The following SH3GL3 variants were observed in gnomAD, a reference collection of about 807,000 sequenced individuals.
The protein encoded by SH3GL3 is SH3 domain containing GRB2 like 3, endophilin A3, also known as endophilin-A3.
Under a neutral mutation model 47.7 loss-of-function variants are expected in SH3GL3, and 33 were observed. The observed-to-expected ratio is 0.69, with a 90% CI of 0.52 to 0.92. The LOEUF (loss-of-function observed/expected upper bound fraction) is 0.92, where lower values mean the gene tolerates loss of function less well. Ranked by LOEUF, SH3GL3 falls within the 40% of genes least tolerant of loss-of-function variation. The probability of loss-of-function intolerance (pLI) is 0.00; values close to 1 mark genes in which losing one functional copy is unlikely to be tolerated. For missense variants in SH3GL3, 363 were observed against 417.8 expected, an observed-to-expected ratio of 0.87 and a Z score of 1.14; for synonymous variants, 155 against 148.8, an observed-to-expected ratio of 1.04 and a Z score of -0.30.
At chr15:83,597,886 G>A (rs1001453791) in intron 8 of SH3GL3, among the ~76,000 whole-genome samples, 1 of 152,190 alleles carries the variant, frequency 6.6e-6, no homozygotes, top group Non-Finnish European at 1.5e-5. Flanking sequence ...GGGATTATAG[G>A]CGTGAGCCAC....
intron 1 of SH3GL3, among the ~76,000 whole-genome samples, chr15:83,468,306 AT>A (rs2040670175): frequency 6.6e-6 from 1 of 152,188 alleles, no homozygotes; most frequent in African/African-American, 2.4e-5. Flanking sequence ...CAATTATGTC[AT>A]CTGTGAATAG....
chr15:83,600,143 G>T (rs1447067255), intron 8 of SH3GL3, among the ~76,000 whole-genome samples: 1 of 152,154 alleles, frequency 6.6e-6, no homozygotes, highest in African/African-American at 2.4e-5. Flanking sequence ...TCTGTGGGTT[G>T]TCTGTACACT....
At chr15:83,567,014 GA>G (rs1022956210) in intron 3 of SH3GL3, among the ~76,000 whole-genome samples, 3 of 151,818 alleles carry the variant, frequency 2.0e-5, no homozygotes, top group Admixed American at 6.6e-5. Flanking sequence ...ATTAAAGTAG[GA>G]AAAAAAGTGT....
chr15:83,574,568 A>T (rs2059625127), intron 5 of SH3GL3, among the ~76,000 whole-genome samples: 1 of 150,026 alleles, frequency 6.7e-6, no homozygotes, highest in Non-Finnish European at 1.5e-5. Context: ...GTCACATCTC[A>T]CTCCCTCCTG....
intron 1 of SH3GL3, among the ~76,000 whole-genome samples, chr15:83,552,698 CA>C (rs2044724330): frequency 6.6e-6 from 1 of 152,198 alleles, no homozygotes; most frequent in African/African-American, 2.4e-5. Context: ...GGTATATGTG[CA>C]TAATAGTTGA....
In SH3GL3 at chr15:83,576,686, TTG is replaced by T; in HGVS notation, c.570_571del (p.Phe190LeufsTer8). On this transcript the variant is annotated frameshift_variant, in exon 6 of 9. Transcript: ENST00000427482. LOFTEE classifies it high-confidence loss of function. The stretch of plus-strand genomic sequence containing the variant: ...GAAGTCAGACAAGCGGTAGAAAAAT[TTG>T]AAGAGTCAAAGGAGTTGGCTGAAAG... The T allele has an allele frequency of 1.2e-6, 2 of 1,613,830 alleles. No individual in the cohort carries two copies. The highest frequency in any genetic ancestry group is 1.7e-6 in the Non-Finnish European group (2 of 1,179,808).
At chr15:83,504,695 A>C (rs1259106022) in intron 1 of SH3GL3, among the ~76,000 whole-genome samples, 1 of 152,140 alleles carries the variant, frequency 6.6e-6, no homozygotes, top group Non-Finnish European at 1.5e-5. Context: ...CTTTCAGATG[A>C]CTGCAGCCCT....
At chr15:83,467,196 C>G (rs2040608235) in intron 1 of SH3GL3, among the ~76,000 whole-genome samples, 1 of 152,148 alleles carries the variant, frequency 6.6e-6, no homozygotes, top group African/African-American at 2.4e-5. Context: ...AGTCTGTAAT[C>G]CATTTTGAAT....
At chr15:83,567,263 G>T (rs2045593783) in intron 3 of SH3GL3, among the ~76,000 whole-genome samples, 1 of 152,124 alleles carries the variant, frequency 6.6e-6, no homozygotes, top group Non-Finnish European at 1.5e-5. Flanking sequence ...ACCATTCTCT[G>T]TACTTTTTAG....
chr15:83,617,003 C>G (rs993557259), intron 8 of SH3GL3, among the ~76,000 whole-genome samples: 2 of 152,148 alleles, frequency 1.3e-5, no homozygotes, highest in Non-Finnish European at 2.9e-5. Context: ...ATGAAAACAA[C>G]TATATGTAAA....
downstream of SH3GL3, among the ~76,000 whole-genome samples, chr15:83,622,847 C>T (rs761299407): frequency 2.0e-5 from 3 of 152,374 alleles, no homozygotes; most frequent in Middle Eastern, 3.4e-3. Flanking sequence ...ATCACTTCTT[C>T]TGGCATCGCC....
In SH3GL3 at chr15:83,586,986, GA is replaced by G. The variant is rs1483638422; in HGVS notation, c.630del (p.Glu210AspfsTer10). 4 of 1,595,912 alleles carry G rather than the reference GA, an allele frequency of 2.5e-6. No individual in the cohort carries two copies. The African/African-American group carries it at 5.4e-5, about 22-fold the overall frequency. ...SMFNFLENDV[E>X]QVSQLAVFIE... The stretch of plus-strand genomic sequence containing the variant: ...TAATTTTGCACTTCTGCTGCAGGTA[GA>G]ACAAGTCAGCCAGTTGGCTGTGTTC... On this transcript the variant is annotated frameshift_variant, in exon 7 of 9. Coordinates refer to ENST00000427482, the MANE Select transcript of SH3GL3 (RefSeq NM_003027.5). LOFTEE classifies it high-confidence loss of function.
At chr15:83,551,686 C>G (rs1471533571) in intron 1 of SH3GL3, among the ~76,000 whole-genome samples, 1 of 152,184 alleles carries the variant, frequency 6.6e-6, no homozygotes, top group African/African-American at 2.4e-5. Flanking sequence ...GCCCCATGGT[C>G]TGGCCCCTGA....
chr15:83,576,431 G>A, intron 5 of SH3GL3, 152 bp from the exon 6 acceptor site: 3 of 567,348 alleles, frequency 5.3e-6, no homozygotes, highest in Non-Finnish European at 9.2e-6. Context: ...CCTCCATCAG[G>A]TGCTGAGGTG....
intron 1 of SH3GL3, among the ~76,000 whole-genome samples, chr15:83,530,538 CTT>C (rs1318834310): frequency 6.6e-6 from 1 of 151,226 alleles, no homozygotes; most frequent in South Asian, 2.1e-4. Context: ...TATTTTGGTT[CTT>C]TTTTGGGGAG....
At chr15:83,476,860 C>T (rs929505872) in intron 1 of SH3GL3, among the ~76,000 whole-genome samples, 9 of 152,274 alleles carry the variant, frequency 5.9e-5, no homozygotes, top group South Asian at 2.1e-4. Flanking sequence ...TGAAGTATGG[C>T]GGTATGCATG....
rs1271902422 is a variant in SH3GL3 at position 83,588,755 on chromosome 15, T to A, written c.822T>A (p.Ser274=). 2 of 1,595,108 alleles carry A rather than the reference T, an allele frequency of 1.3e-6. No individual in the cohort carries two copies. Among genetic ancestry groups the A allele is most frequent in the Non-Finnish European group, 8.6e-7 (1 of 1,162,790 alleles). The change falls in exon 8 of 9, where the codon TCT becomes TCA. Residue 274 remains serine (S), a synonymous_variant. Transcript: ENST00000427482. The part of the protein sequence containing the change: ...SSELNGVSTT[S]VVKTTGSNIP... The stretch of plus-strand genomic sequence containing the variant: ...AGCTCAATGGAGTTTCCACCACCTC[T>A]GTAGTGAAGACGACAGGTAAGTTGA...
chr15:83,503,395 G>T (rs2042369154), intron 1 of SH3GL3, among the ~76,000 whole-genome samples: 1 of 152,108 alleles, frequency 6.6e-6, no homozygotes, highest in Non-Finnish European at 1.5e-5. Flanking sequence ...ATTTTTAGAA[G>T]TTGTATAATA....
chr15:83,612,311 C>T (rs1181167654), intron 8 of SH3GL3, among the ~76,000 whole-genome samples: 1 of 152,220 alleles, frequency 6.6e-6, no homozygotes, highest in Non-Finnish European at 1.5e-5. Flanking sequence ...ACTTCCACAG[C>T]TGAGGTGACT....
Sources: gnomAD v4.1 joint callset for allele counts (sites outside exome capture counted in the v4.1 genomes callset) on GRCh38, gnomAD v4.1.1 for gene constraint, MANE v1.5 for transcripts, NCBI Gene and HGNC (gene_info 2026-07-23, HGNC 2026-07-21) for gene names.